EPG5: variants seen among roughly 807,000 people sequenced by gnomAD.
The protein encoded by EPG5 is ectopic P-granules 5 autophagy tethering factor.
In EPG5, 159 loss-of-function variants were observed where a neutral mutation model predicts 302.7. That is an observed-to-expected ratio of 0.53 (90% CI 0.46 to 0.60). The LOEUF (loss-of-function observed/expected upper bound fraction) is 0.60. Among genes scored for constraint, EPG5 ranks in the 20% least tolerant of loss-of-function variants. EPG5 has a pLI of 0.00. For missense variants in EPG5, 2,896 were observed against 3,092.4 expected, an observed-to-expected ratio of 0.94 and a Z score of 1.51; for synonymous variants, 1,158 against 1,136.8, an observed-to-expected ratio of 1.02 and a Z score of -0.37.
chr18:45,815,456 T>C, the EPG5 span, among the ~76,000 whole-genome samples: 1 of 150,894 alleles, frequency 6.6e-6, no homozygotes, highest in African/African-American at 2.4e-5. Flanking sequence ...AGATACAAAA[T>C]TAATGTACAC....
At chr18:45,900,095 A>C (rs1178623249) in intron 26 of EPG5, among the ~76,000 whole-genome samples, 1 of 152,162 alleles carries the variant, frequency 6.6e-6, no homozygotes, top group Non-Finnish European at 1.5e-5. Flanking sequence ...GACAAGGAAA[A>C]AAATACTGAT....
At chr18:45,829,618 C>A in the EPG5 span, among the ~76,000 whole-genome samples, 1 of 152,128 alleles carries the variant, frequency 6.6e-6, no homozygotes, top group African/African-American at 2.4e-5. Flanking sequence ...GGAAGTGCCA[C>A]CCCCGGAGCC....
rs2050937376 is a variant in EPG5 at position 45,952,610 on chromosome 18, A to G, written c.1042T>C (p.Tyr348His). ...ATTTCTACTCTTTGGTAGCGATGAT[A>G]GCTGAAAACTTTCACTTGATCTGCA... is the stretch of plus-strand genomic sequence containing the variant. The part of the protein sequence containing the change: ...ICADQVKVFS[Y>H]HRYQRVEMNE... The change falls in exon 3 of 44, where the codon TAT (tyrosine) becomes CAT (histidine). Residue 348 changes from tyrosine (Y) to histidine (H), a missense_variant. Physicochemically the swap from Tyr to His is moderately conservative, Grantham distance 83. This residue lies in a region of EPG5 where 1,390 missense variants were observed against 1,430.0 expected (regional missense o/e 0.97). Transcript: ENST00000282041. 5.6e-6 allele frequency: 9 copies of G among 1,614,196 alleles called. No homozygotes were observed. In the East Asian group the frequency reaches 2.0e-4, roughly 36 times the overall value.
rs1371976 is a variant in EPG5, at chr18:45,918,130, C to T, written c.3099-311G>A. On this transcript the variant is annotated intron_variant, in intron 16 of 43. Coordinates refer to ENST00000282041, the MANE Select transcript of EPG5 (RefSeq NM_020964.3). ...TTCTAATCCAGAGTGCTCTCTACTA[C>T]CATATTTTATTTCTCAAAAAGAGCT... Among the ~76,000 whole-genome samples, 26,961 of 152,080 alleles carry T rather than the reference C, an allele frequency of 0.18. 2,672 individuals carry two copies. Among genetic ancestry groups the T allele is most frequent in the Admixed American group, 0.3 (4,639 of 15,272 alleles).
At chr18:45,932,803 G>C (rs2050424938) in intron 11 of EPG5, among the ~76,000 whole-genome samples, 1 of 152,114 alleles carries the variant, frequency 6.6e-6, no homozygotes, top group African/African-American at 2.4e-5. Context: ...GGCCCTAAGG[G>C]AGATAAAGAT....
the EPG5 span, among the ~76,000 whole-genome samples, chr18:45,806,903 A>G: frequency 2.0e-5 from 3 of 151,984 alleles, no homozygotes; most frequent in Admixed American, 2.0e-4. Context: ...TGGTGTGCAG[A>G]CTCCACAGGC....
chr18:45,954,401 G>A lies in EPG5; in HGVS notation c.1001C>T (p.Ser334Phe). 1 of 1,603,966 alleles carries A rather than the reference G, an allele frequency of 6.2e-7. No homozygotes were observed. Residue 334 changes from serine to phenylalanine, a missense_variant, in exon 2 of 44, where the codon TCT (serine) becomes TTT (phenylalanine). Physicochemically the swap from Ser to Phe is radical, Grantham distance 155 (BLOSUM62 -2). Coordinates refer to ENST00000282041, the MANE Select transcript of EPG5 (RefSeq NM_020964.3). ...RLWQFKEEQM[S>F]VQGICADQVK... ...GGCTTCTGATCAAAATACCTGTACA[G>A]ACATTTGTTCCTCCTTAAACTGCCA...
the EPG5 span, among the ~76,000 whole-genome samples, chr18:45,827,349 C>T: frequency 1.3e-5 from 2 of 152,182 alleles, no homozygotes; most frequent in Admixed American, 6.5e-5. Context: ...CTGGGCCCCC[C>T]CACTACCCCA....
rs547681142 is a variant in EPG5, at chr18:45,860,321, C to A, written c.6792G>T (p.Met2264Ile). Residue 2264 changes from methionine (M) to isoleucine (I), a missense_variant, in exon 40 of 44, where the codon ATG becomes ATT. Met to Ile is a conservative substitution (Grantham distance 10, BLOSUM62 1). Transcript: ENST00000282041. ...PPDMDSQTRH[M>I]ALSSLFMEVL... ...CTTCCATAAAGAGGCTGCTGAGGGC[C>A]ATGTGGCGGGTCTGGCTGTCCATGT... 48 of 1,614,224 alleles carry A rather than the reference C, an allele frequency of 3.0e-5. No individual in the cohort carries two copies. The Admixed American group carries it at 6.8e-4, about 23-fold the overall frequency.
chr18:45,915,717 A>G (rs1430189773), intron 19 of EPG5, 96 bp from the exon 20 acceptor site: 9 of 922,668 alleles, frequency 9.8e-6, no homozygotes, highest in Non-Finnish European at 1.5e-5. Flanking sequence ...ACTACAATAC[A>G]AGATTCTGAT....
At chr18:45,902,753 G>T (rs1233232911) in intron 25 of EPG5, among the ~76,000 whole-genome samples, 1 of 152,116 alleles carries the variant, frequency 6.6e-6, no homozygotes, top group Non-Finnish European at 1.5e-5. Flanking sequence ...GAAGTACAAG[G>T]TATCACCAGA....
chr18:45,903,890 A>G, intron 25 of EPG5, 83 bp downstream of exon 25: 1 of 1,371,486 alleles, frequency 7.3e-7, no homozygotes, highest in South Asian at 1.6e-5. Flanking sequence ...TGGGGGAATA[A>G]AGTATGTCAG....
rs377551412 is a variant in EPG5, at chr18:45,922,419, T to A, written c.3020A>T (p.His1007Leu). ...VPDMTESPTFHPLLKAVKAGM... is the reference protein window; with the variant it reads ...VPDMTESPTFLPLLKAVKAGM... ...CGCTTTCACAGCCTTCAAGAGAGGA[T>A]GAAACGTGGGTGACTCTGTCATGTC... Residue 1007 changes from histidine (H) to leucine (L), a missense_variant, in exon 16 of 44, where the codon CAT becomes CTT. Physicochemically the swap from His to Leu is moderately conservative, Grantham distance 99. Coordinates refer to ENST00000282041, the MANE Select transcript of EPG5 (RefSeq NM_020964.3). 6 of 1,614,044 alleles carry A rather than the reference T, an allele frequency of 3.7e-6. No homozygotes were observed. The African/African-American group carries it at 4.0e-5, about 11-fold the overall frequency.
In EPG5 at chr18:45,882,418, T is replaced by C. The variant is rs2049117322; in HGVS notation, c.5374A>G (p.Ile1792Val). ...CCCCAGGCAGTAAGTGCCAAGTGAA[T>C]GGACTCCAGAAGCCTGGTACGATCA... is the stretch of plus-strand genomic sequence containing the variant. ...LSDRTRLLES[I>V]HLALTAWGLE... The change falls in exon 31 of 44, where the codon ATT becomes GTT. Residue 1792 changes from isoleucine (I) to valine (V), a missense_variant. Transcript: ENST00000282041. 3 of 1,614,074 alleles carry C rather than the reference T, an allele frequency of 1.9e-6. No individual in the cohort carries two copies. Among genetic ancestry groups the C allele is most frequent in the African/African-American group, 1.3e-5 (1 of 74,920 alleles).
chr18:45,962,842 G>A (rs2051178428), intron 1 of EPG5, among the ~76,000 whole-genome samples: 1 of 152,242 alleles, frequency 6.6e-6, no homozygotes, highest in African/African-American at 2.4e-5. Flanking sequence ...CCAGCACTAA[G>A]AAGTGCATCA....
Position 45,917,943 on chromosome 18 carries a change from C to T in EPG5, c.3099-124G>A, listed in dbSNP as rs532597332. On this transcript the variant is annotated intron_variant, in intron 16 of 43. Transcript: ENST00000282041. Reference sequence around the variant, plus strand: ...CAGGTCTCCAACACATGTTTTATACCCAATCTTCACACAGAAATACTAAAC... The same window carrying T: ...CAGGTCTCCAACACATGTTTTATACTCAATCTTCACACAGAAATACTAAAC... The T allele has an allele frequency of 2.2e-4, 189 of 853,934 alleles. 1 individual carries two copies. The highest frequency in any genetic ancestry group is 6.0e-4 in the Admixed American group (20 of 33,520). The allele number at this position is 853,934 out of a possible 1,614,324, so 52.9% of individuals were successfully genotyped here. A position where few individuals can be genotyped will look rare whatever the true frequency, so the allele number is the denominator to read the frequency against.
At chr18:45,859,599 A>T (rs1434923521) in intron 40 of EPG5, among the ~76,000 whole-genome samples, 1 of 152,238 alleles carries the variant, frequency 6.6e-6, no homozygotes, top group Non-Finnish European at 1.5e-5. Flanking sequence ...AGAAAGTAAA[A>T]CAGATTTTTA....
chr18:45,926,692 G>A (rs1319151880), intron 13 of EPG5, among the ~76,000 whole-genome samples: 1 of 151,810 alleles, frequency 6.6e-6, no homozygotes, highest in East Asian at 2.0e-4. Flanking sequence ...GGTGGCACGC[G>A]CCTGTAATCC....
intron 24 of EPG5, among the ~76,000 whole-genome samples, chr18:45,904,630 GC>G (rs1239804180): frequency 1.3e-5 from 2 of 151,894 alleles, no homozygotes; most frequent in South Asian, 4.1e-4. Flanking sequence ...CAAATAAATT[GC>G]AAGGAAAAGT....
Sources: gnomAD v4.1 joint callset for allele counts (sites outside exome capture counted in the v4.1 genomes callset) on GRCh38, gnomAD v4.1.1 for gene constraint, gnomAD v4.1.1 regional missense constraint, MANE v1.5 for transcripts, NCBI Gene and HGNC (gene_info 2026-07-23, HGNC 2026-07-21) for gene names.